Variants in TMEM232 observed in about 807,000 individuals in gnomAD.
TMEM232 encodes the protein transmembrane protein 232.
Under a neutral mutation model 78.8 loss-of-function variants are expected in TMEM232, and 80 were observed. The ratio of observed to expected loss-of-function variants is 1.01; its 90% CI spans 0.85 to 1.22. The LOEUF (loss-of-function observed/expected upper bound fraction) is 1.22, where lower values mean the gene tolerates loss of function less well. Ranked by LOEUF, TMEM232 falls within the 50% of genes most tolerant of loss-of-function variation. The pLI is 0.00. For synonymous variants in TMEM232, 297 were observed against 254.3 expected, an observed-to-expected ratio of 1.17 and a Z score of -1.60; for missense variants, 881 against 742.2, an observed-to-expected ratio of 1.19 and a Z score of -2.17.
intron 10 of TMEM232, among the ~76,000 whole-genome samples, chr5:110,585,194 C>A (rs926212963): frequency 8.5e-5 from 13 of 152,172 alleles, no homozygotes; most frequent in African/African-American, 2.6e-4. Context: ...CCCATCCCAA[C>A]AAAAGGAACA....
intron 10 of TMEM232, among the ~76,000 whole-genome samples, chr5:110,570,609 G>A (rs1233230241): frequency 6.6e-6 from 1 of 152,068 alleles, no homozygotes; most frequent in East Asian, 1.9e-4. Context: ...AAGTGCAGAC[G>A]AAGATATTGG....
At chr5:110,462,571 G>A (rs907794835) in intron 12 of TMEM232, among the ~76,000 whole-genome samples, 4 of 152,126 alleles carry the variant, frequency 2.6e-5, no homozygotes, top group African/African-American at 4.8e-5. Flanking sequence ...CTTCAACTCT[G>A]GGACTCTTGG....
chr5:110,499,631 C>A (rs984744946), intron 12 of TMEM232, among the ~76,000 whole-genome samples: 1 of 124,504 alleles, frequency 8.0e-6, no homozygotes, highest in Non-Finnish European at 1.5e-5. Context: ...GTATACACCC[C>A]CCCCCACACA....
At chr5:110,667,191 C>A (rs764222814) in intron 2 of TMEM232, 37 bp downstream of exon 2, 1 of 1,454,482 alleles carries the variant, frequency 6.9e-7, no homozygotes, top group South Asian at 1.4e-5. Context: ...AAATTCTCTA[C>A]AATACATATG....
intron 12 of TMEM232, among the ~76,000 whole-genome samples, chr5:110,443,378 G>A (rs1416910433): frequency 2.0e-5 from 3 of 152,080 alleles, no homozygotes; most frequent in African/African-American, 4.8e-5. Context: ...ACTGGCCCAT[G>A]GGGAATTCTG....
At chr5:110,615,887 T>A (rs996544580) in intron 8 of TMEM232, among the ~76,000 whole-genome samples, 18 of 151,754 alleles carry the variant, frequency 1.2e-4, no homozygotes, top group Admixed American at 4.6e-4. Context: ...ATGAAAACAA[T>A]CTCATTTACA....
At chr5:110,402,432 C>CT (rs771964732) in intron 2 of TMEM232, among the ~76,000 whole-genome samples, 3 of 152,022 alleles carry the variant, frequency 2.0e-5, no homozygotes, top group African/African-American at 7.2e-5. Context: ...TATGGAATGG[C>CT]TAACTACTCA....
chr5:110,735,055 C>T (rs964385785), intron 1 of TMEM232: 1 of 152,156 alleles, frequency 6.6e-6, no homozygotes, highest in African/African-American at 2.4e-5. Context: ...AGTTGCATCA[C>T]AGTACCCAAT....
At position 110,697,483 on chromosome 5, in the gene TMEM232, G is replaced by A. The variant is rs561893742; in HGVS notation, c.-13+29144C>T. 2.1e-3 allele frequency among the ~76,000 whole-genome samples: 313 copies of A among 152,092 alleles called. 3 individuals carry two copies. The highest frequency in any genetic ancestry group is 1.5e-3 in the Non-Finnish European group (103 of 67,952). Reference sequence around the variant, plus strand: ...TAAACTGAAGAGCTTCTGCACAGCAGAAGAAACTACCATCAGAGTGAACAG... The same window carrying A: ...TAAACTGAAGAGCTTCTGCACAGCAAAAGAAACTACCATCAGAGTGAACAG... On this transcript the variant is annotated intron_variant, in intron 1 of 13. Coordinates refer to ENST00000455884, the MANE Select transcript of TMEM232 (RefSeq NM_001039763.4).
chr5:110,591,861 G>A (rs1779581353), intron 10 of TMEM232, among the ~76,000 whole-genome samples: 2 of 152,132 alleles, frequency 1.3e-5, no homozygotes, highest in African/African-American at 4.8e-5. Context: ...AGAAGCTCCA[G>A]ATTATTTATA....
At chr5:110,600,855 C>T (rs545434062) in intron 10 of TMEM232, among the ~76,000 whole-genome samples, 1 of 151,906 alleles carries the variant, frequency 6.6e-6, no homozygotes, top group East Asian at 1.9e-4. Flanking sequence ...AGAGACACAA[C>T]AAAAAAAGGT....
chr5:110,734,766 C>T (rs917497788), intron 2 of TMEM232: 32 of 152,160 alleles, frequency 2.1e-4, no homozygotes, highest in Non-Finnish European at 5.9e-5. Flanking sequence ...ATTGTTATAT[C>T]ACATCATTTT....
rs551893313 is a variant in TMEM232 at position 110,583,297 on chromosome 5, T to C, written c.1277-14672A>G. ...AACAGTACCAGCCTAAAGACTGATA[T>C]ATAGACTAATGGAACAGAATAGAGA... On this transcript the variant is annotated intron_variant, in intron 10 of 13. Coordinates refer to ENST00000455884, the MANE Select transcript of TMEM232 (RefSeq NM_001039763.4). Among the ~76,000 whole-genome samples, 48 of 152,018 alleles carry C rather than the reference T, an allele frequency of 3.2e-4. No homozygotes were observed. The Middle Eastern group carries it at 0.014, about 43-fold the overall frequency.
chr5:110,522,169 T>G (rs1769620098), intron 12 of TMEM232, among the ~76,000 whole-genome samples: 1 of 152,178 alleles, frequency 6.6e-6, no homozygotes, highest in Non-Finnish European at 1.5e-5. Context: ...AGTATTTTAT[T>G]CTTTTTCATA....
intron 8 of TMEM232, among the ~76,000 whole-genome samples, chr5:110,611,268 T>A (rs531411078): frequency 2.0e-5 from 3 of 152,298 alleles, no homozygotes; most frequent in South Asian, 4.1e-4. Flanking sequence ...TTCTTGATTT[T>A]TACTGCTTAG....
intron 12 of TMEM232, among the ~76,000 whole-genome samples, chr5:110,436,982 G>C (rs1251200088): frequency 1.3e-5 from 2 of 151,846 alleles, no homozygotes; most frequent in Non-Finnish European, 2.9e-5. Flanking sequence ...TCATATTTCT[G>C]TGAAGAATGT....
At chr5:110,532,275 T>C (rs1049311834) in intron 11 of TMEM232, among the ~76,000 whole-genome samples, 6 of 151,870 alleles carry the variant, frequency 4.0e-5, no homozygotes, top group Admixed American at 1.3e-4. Flanking sequence ...GCTCTCTGAC[T>C]GACTCCTTCC....
At chr5:110,652,946 G>C (rs531257480) in intron 2 of TMEM232, among the ~76,000 whole-genome samples, 1 of 152,146 alleles carries the variant, frequency 6.6e-6, no homozygotes, top group Admixed American at 6.6e-5. Flanking sequence ...GAAGTCTCCT[G>C]GTTAAATAGG....
chr5:110,393,048 T>C (rs1256269664), intron 3 of TMEM232, among the ~76,000 whole-genome samples: 1 of 152,238 alleles, frequency 6.6e-6, no homozygotes, highest in Non-Finnish European at 1.5e-5. Context: ...CTGAATAATT[T>C]CAATTATTTT....
Sources: allele counts gnomAD v4.1 joint callset (sites outside exome capture counted in the v4.1 genomes callset), GRCh38; gene constraint gnomAD v4.1.1; transcripts MANE v1.5; gene names NCBI Gene and HGNC (gene_info 2026-07-23, HGNC 2026-07-21).